The following SIMC1 variants were observed in gnomAD, a reference collection of about 807,000 sequenced individuals.
SIMC1 encodes SUMO-interacting motif-containing protein 1.
In SIMC1, 55 loss-of-function variants were observed where a neutral mutation model predicts 82.3. The ratio of observed to expected loss-of-function variants is 0.67; its 90% CI spans 0.54 to 0.84. SIMC1 has a LOEUF of 0.84. SIMC1 is among the 40% of genes least tolerant of loss of function. SIMC1 has a pLI of 0.00. For synonymous variants in SIMC1, 353 were observed against 426.3 expected, an observed-to-expected ratio of 0.83 and a Z score of 2.12; for missense variants, 915 against 1,107.2, an observed-to-expected ratio of 0.83 and a Z score of 2.46.
At chr5:176,246,440 GTGTGTGTGTT>G (rs1156650403) in intron 1 of SIMC1, among the ~76,000 whole-genome samples, 2 of 149,692 alleles carry the variant, frequency 1.3e-5, no homozygotes, top group African/African-American at 2.5e-5. Flanking sequence ...GTGTGTGTGT[GTGTGTGTGTT>G]GTTTGTTTGT....
chr5:176,290,309 C>G lies in SIMC1; in HGVS notation c.785C>G (p.Thr262Ser), dbSNP rs753409571. The part of the protein sequence containing the change: ...QTMQCQLPAL[T>S]HPPQEVPCPR... ...ATGCAGTGCCAACTACCAGCTCTAA[C>G]TCACCCACCTCAAGAAGTGCCATGC... Residue 262 changes from threonine (T) to serine (S), a missense_variant, in exon 2 of 10, where the codon ACT becomes AGT. By Grantham distance (58) the Thr-to-Ser change is moderately conservative. Around this residue, in one of 2 missense-constraint regions of SIMC1, gnomAD observed 902 missense variants for 1,040.3 expected, o/e 0.87. Coordinates refer to ENST00000429602, the MANE Select transcript of SIMC1 (RefSeq NM_001308195.2). 1 of 1,613,938 alleles carries G rather than the reference C, an allele frequency of 6.2e-7. No individual in the cohort carries two copies. The highest frequency in any genetic ancestry group is 8.5e-7 in the Non-Finnish European group (1 of 1,179,868).
At chr5:176,306,426 T>C (rs1286694947) in intron 4 of SIMC1, among the ~76,000 whole-genome samples, 2 of 128,950 alleles carry the variant, frequency 1.6e-5, no homozygotes, top group East Asian at 5.7e-4. Flanking sequence ...CAACAGCTCA[T>C]TGAGAACGGG....
At chr5:176,316,492 C>A (rs557305483) in intron 5 of SIMC1, among the ~76,000 whole-genome samples, 1 of 143,972 alleles carries the variant, frequency 6.9e-6, no homozygotes, top group East Asian at 2.0e-4. Context: ...CATGGTGAAA[C>A]CCCATCTCTA....
chr5:176,301,072 T>C (rs1764020692), intron 4 of SIMC1, among the ~76,000 whole-genome samples: 1 of 152,214 alleles, frequency 6.6e-6, no homozygotes, highest in Admixed American at 6.5e-5. Context: ...AGAGATAACT[T>C]ATTTCAGCTT....
intron 1 of SIMC1, among the ~76,000 whole-genome samples, chr5:176,262,298 A>G (rs974164694): frequency 2.5e-5 from 3 of 121,340 alleles, no homozygotes; most frequent in Non-Finnish European, 5.4e-5. Flanking sequence ...AAAAAAAAAA[A>G]AGCCTTCCAG....
At chr5:176,326,095 T>C (rs1765382282) in intron 7 of SIMC1, among the ~76,000 whole-genome samples, 1 of 152,140 alleles carries the variant, frequency 6.6e-6, no homozygotes, top group Non-Finnish European at 1.5e-5. Context: ...AGGAAATAAG[T>C]ATAAGAGAGT....
In SIMC1 at chr5:176,345,470, A is replaced by C; in HGVS notation, c.*25A>C. ...AGGGCCTGCCAAGCACTGAATGCCA[A>C]GAATACCTCCTGAACTCTCTCTCCA... On this transcript the variant is annotated 3_prime_UTR_variant, in exon 10 of 10. Transcript: ENST00000429602. 6.3e-7 allele frequency: 1 copy of C among 1,597,930 alleles called. No individual in the cohort carries two copies. The highest frequency in any genetic ancestry group is 8.5e-7 in the Non-Finnish European group (1 of 1,171,892).
At chr5:176,330,622 AAAT>A (rs757417366) in intron 7 of SIMC1, among the ~76,000 whole-genome samples, 4 of 152,196 alleles carry the variant, frequency 2.6e-5, no homozygotes, top group Admixed American at 6.5e-5. Flanking sequence ...ATTGACAGTA[AAAT>A]AATATTATCT....
At chr5:176,273,812 T>C (rs1235948900) in intron 1 of SIMC1, among the ~76,000 whole-genome samples, 2 of 152,280 alleles carry the variant, frequency 1.3e-5, no homozygotes, top group African/African-American at 4.8e-5. Context: ...GTTTCATCCA[T>C]GTCCCTACAA....
At chr5:176,247,353 G>A (rs1219389320) in intron 1 of SIMC1, among the ~76,000 whole-genome samples, 1 of 152,148 alleles carries the variant, frequency 6.6e-6, no homozygotes, top group African/African-American at 2.4e-5. Context: ...TTTCTCTAAT[G>A]ACCAGTGATG....
chr5:176,254,138 G>A (rs1317437799), intron 1 of SIMC1, among the ~76,000 whole-genome samples: 1 of 152,112 alleles, frequency 6.6e-6, no homozygotes, highest in African/African-American at 2.4e-5. Flanking sequence ...AGCAGAGAGA[G>A]AGCAACAGTT....
Position 176,295,080 on chromosome 5 carries a change from A to T in SIMC1, c.1482A>T (p.Val494=), listed in dbSNP as rs1300530160. Reference sequence around the variant, plus strand: ...TCCCTCATCGAAGACTAAGAATGGTAACAAATACCATTGAAGAGAATTTTC... The same window carrying T: ...TCCCTCATCGAAGACTAAGAATGGTTACAAATACCATTGAAGAGAATTTTC... ...EPIPHRRLRM[V]TNTIEENFPL... The change falls in exon 3 of 10, where the codon GTA becomes GTT. Residue 494 remains valine (V), a synonymous_variant. Transcript: ENST00000429602. 3 of 1,613,572 alleles carry T rather than the reference A, an allele frequency of 1.9e-6. No homozygotes were observed. The highest frequency in any genetic ancestry group is 2.5e-6 in the Non-Finnish European group (3 of 1,179,716).
chr5:176,296,626 A>G (rs1763827306), intron 4 of SIMC1: 6 of 338,776 alleles, frequency 1.8e-5, no homozygotes, highest in Non-Finnish European at 3.3e-5. Flanking sequence ...CCATGATCAC[A>G]ACATTGTACT....
At chr5:176,314,866 T>C (rs1164363459) in intron 5 of SIMC1, among the ~76,000 whole-genome samples, 1 of 152,160 alleles carries the variant, frequency 6.6e-6, no homozygotes, top group Non-Finnish European at 1.5e-5. Context: ...TCATTTTCAG[T>C]ATAGTATTCA....
chr5:176,259,205 G>A (rs1295234349), intron 1 of SIMC1, among the ~76,000 whole-genome samples: 2 of 152,200 alleles, frequency 1.3e-5, no homozygotes, highest in African/African-American at 2.4e-5. Context: ...GGTGGCTCAC[G>A]CCAGTAATCC....
chr5:176,312,608 C>A (rs1764713667), intron 4 of SIMC1, among the ~76,000 whole-genome samples: 1 of 149,350 alleles, frequency 6.7e-6, no homozygotes, highest in South Asian at 2.1e-4. Context: ...CATCAGTTAT[C>A]AAGGATTAGA....
At chr5:176,278,086 G>A (rs1408248796) in intron 1 of SIMC1, among the ~76,000 whole-genome samples, 2 of 110,914 alleles carry the variant, frequency 1.8e-5, no homozygotes, top group Non-Finnish European at 3.8e-5. Flanking sequence ...CATGAGCATG[G>A]AATGTTCTTC....
chr5:176,282,481 C>G (rs559489221), intron 1 of SIMC1, among the ~76,000 whole-genome samples: 1 of 152,204 alleles, frequency 6.6e-6, no homozygotes, highest in African/African-American at 2.4e-5. Flanking sequence ...GAGATGAACC[C>G]GGTACCTCAG....
At chr5:176,249,713 A>T (rs62403340) in intron 1 of SIMC1, among the ~76,000 whole-genome samples, 1 of 151,572 alleles carries the variant, frequency 6.6e-6, no homozygotes, top group Non-Finnish European at 1.5e-5. Context: ...GCATGGTGGC[A>T]GGCATCTGTA....
Sources: allele counts gnomAD v4.1 joint callset (sites outside exome capture counted in the v4.1 genomes callset), GRCh38; gene constraint gnomAD v4.1.1; regional missense constraint gnomAD v4.1.1; transcripts MANE v1.5; gene names NCBI Gene and HGNC (gene_info 2026-07-23, HGNC 2026-07-21).